The following INPP5A variants were observed in gnomAD, a reference collection of about 807,000 sequenced individuals.
The protein encoded by INPP5A is inositol polyphosphate-5-phosphatase A.
In INPP5A, 14 loss-of-function variants were observed where a neutral mutation model predicts 65.2. The ratio of observed to expected loss-of-function variants is 0.21; its 90% confidence interval spans 0.14 to 0.34. The LOEUF is 0.34. Ranked by LOEUF, INPP5A falls within the 10% of genes least tolerant of loss-of-function variation. The pLI, the probability that INPP5A is intolerant of heterozygous loss-of-function variation, is 1.00. For synonymous variants in INPP5A, 207 were observed against 208.3 expected, an observed-to-expected ratio of 0.99 and a Z score of 0.05; for missense variants, 431 against 545.6, an observed-to-expected ratio of 0.79 and a Z score of 2.09.
rs2072992117 is a variant in INPP5A at position 132,678,097 on chromosome 10, C to T, written c.307-12295C>T. Among the ~76,000 whole-genome samples the T allele has an allele frequency of 6.6e-6, 1 of 152,188 alleles. No homozygotes were observed. The highest frequency in any genetic ancestry group is 1.5e-5 in the Non-Finnish European group (1 of 68,038). On this transcript the variant is annotated intron_variant, in intron 4 of 15. Coordinates refer to ENST00000368594, the MANE Select transcript of INPP5A (RefSeq NM_005539.5). The surrounding 1 kb of genome is among the most constrained non-coding windows in gnomAD (Gnocchi z 4.1). ...CCTTGGTGCCGTCATCCCGTTTGGC[C>T]CCAGGAGCTGAAATTGGAAAGTCAG...
intron 9 of INPP5A, among the ~76,000 whole-genome samples, chr10:132,739,407 C>T (rs936926618): frequency 2.0e-5 from 3 of 152,222 alleles, no homozygotes; most frequent in African/African-American, 4.8e-5. Context: ...GTGGTGGGGG[C>T]GTGCCGACAG....
In INPP5A at chr10:132,659,857, G is replaced by A. The variant is rs1242448961; in HGVS notation, c.306+9352G>A. On this transcript the variant is annotated intron_variant, in intron 4 of 15. Coordinates refer to ENST00000368594, the MANE Select transcript of INPP5A (RefSeq NM_005539.5). The surrounding 1 kb of genome is among the most constrained non-coding windows in gnomAD (Gnocchi z 5.5). The stretch of plus-strand genomic sequence containing the variant: ...ATCACAGAGCCAGATGCCCACAACA[G>A]GATCCAGTGCTGTCAGCTGGGCTCC... 6.6e-6 allele frequency among the ~76,000 whole-genome samples: 1 copy of A among 152,248 alleles called. No homozygotes were observed. The highest frequency in any genetic ancestry group is 1.5e-5 in the Non-Finnish European group (1 of 68,044).
At chr10:132,580,508 C>T (rs974085393) in intron 1 of INPP5A, among the ~76,000 whole-genome samples, 1 of 152,192 alleles carries the variant, frequency 6.6e-6, no homozygotes, top group Admixed American at 6.5e-5. Context: ...CATGAATTAC[C>T]AGTCTCAGGT....
chr10:132,703,505 C>CCA (rs111386654), intron 6 of INPP5A, among the ~76,000 whole-genome samples: 2,380 of 139,586 alleles, frequency 0.017, 56 homozygotes, highest in African/African-American at 0.055. Flanking sequence ...GTGTCTTCAC[C>CCA]CACACACACA....
intron 4 of INPP5A, among the ~76,000 whole-genome samples, chr10:132,655,139 A>G (rs2072637218): frequency 1.3e-5 from 2 of 152,162 alleles, no homozygotes; most frequent in Admixed American, 1.3e-4. Context: ...CCGCATGGAA[A>G]ATGGAAAAGT....
rs540005872 is a variant in INPP5A at position 132,761,123 on chromosome 10, C to A, written c.904-4650C>A. Among the ~76,000 whole-genome samples, 3 of 152,230 alleles carry A rather than the reference C, an allele frequency of 2.0e-5. No individual in the cohort carries two copies. In the South Asian group the frequency reaches 6.2e-4, roughly 32 times the overall value. ...TGCCACGTCTGGTTCGACCTCGACTCCCTGGTGTGCTCTGCAGAGGTCATG... is the reference window on the plus strand; with the variant it reads ...TGCCACGTCTGGTTCGACCTCGACTACCTGGTGTGCTCTGCAGAGGTCATG... On this transcript the variant is annotated intron_variant, in intron 11 of 15. Coordinates refer to ENST00000368594, the MANE Select transcript of INPP5A (RefSeq NM_005539.5).
chr10:132,583,000 G>A (rs1384245983), intron 1 of INPP5A, among the ~76,000 whole-genome samples: 1 of 152,176 alleles, frequency 6.6e-6, no homozygotes, highest in Non-Finnish European at 1.5e-5. Flanking sequence ...GTATTGCTTG[G>A]AATCGTAGAT....
At chr10:132,687,731 A>C (rs577090735) in intron 4 of INPP5A, among the ~76,000 whole-genome samples, 29 of 152,086 alleles carry the variant, frequency 1.9e-4, no homozygotes, top group Non-Finnish European at 3.8e-4. Context: ...ATGAGTGTGC[A>C]TGTGTGTGTG....
At chr10:132,713,692 G>A (rs1300645408) in intron 8 of INPP5A, among the ~76,000 whole-genome samples, 1 of 152,168 alleles carries the variant, frequency 6.6e-6, no homozygotes, top group African/African-American at 2.4e-5. Flanking sequence ...TGCTGTGCTC[G>A]TGGCCACACA....
At position 132,741,209 on chromosome 10, in the gene INPP5A, C is replaced by T. The variant is rs1242972231; in HGVS notation, c.733-8308C>T. Among the ~76,000 whole-genome samples, 1 of 152,196 alleles carries T rather than the reference C, an allele frequency of 6.6e-6. No individual in the cohort carries two copies. Among genetic ancestry groups the T allele is most frequent in the African/African-American group, 2.4e-5 (1 of 41,446 alleles). On this transcript the variant is annotated intron_variant, in intron 9 of 15. Transcript: ENST00000368594. The surrounding 1 kb of genome is among the most constrained non-coding windows in gnomAD (Gnocchi z 4.4). ...CATGATCACATCACTGCACTCCATC[C>T]TGGCCAACAGAGGAGGACCCTGTCT...
chr10:132,655,629 C>T (rs143434168), intron 4 of INPP5A, among the ~76,000 whole-genome samples: 7 of 152,306 alleles, frequency 4.6e-5, no homozygotes, highest in South Asian at 2.1e-4. Context: ...TTTCGTTTAA[C>T]GTCACCCGCA....
rs186372471 is a variant in INPP5A at position 132,604,657 on chromosome 10, C to T, written c.76-3258C>T. Among the ~76,000 whole-genome samples, 132 of 152,342 alleles carry T rather than the reference C, an allele frequency of 8.7e-4. 1 individual carries two copies. Among genetic ancestry groups the T allele is most frequent in the Admixed American group, 2.7e-3 (42 of 15,300 alleles). On this transcript the variant is annotated intron_variant, in intron 1 of 15. Coordinates refer to ENST00000368594, the MANE Select transcript of INPP5A (RefSeq NM_005539.5). ...TCTGTGGGGCTGCATAGTGAAATGT[C>T]CTTTTCCTGGATGGAGGGAAGACAG...
At chr10:132,742,148 G>T (rs138139479) in intron 9 of INPP5A, among the ~76,000 whole-genome samples, 1 of 152,242 alleles carries the variant, frequency 6.6e-6, no homozygotes, top group African/African-American at 2.4e-5. Flanking sequence ...AGATAGGGCC[G>T]AGGAGAGATG....
intron 12 of INPP5A, 98 bp downstream of exon 12, chr10:132,765,944 T>C: frequency 1.3e-6 from 1 of 766,722 alleles, no homozygotes; most frequent in Non-Finnish European, 2.4e-6. Flanking sequence ...TGTGCCAGTT[T>C]GTGCTGGGCA....
intron 2 of INPP5A, among the ~76,000 whole-genome samples, chr10:132,640,304 A>T (rs539297447): frequency 6.6e-6 from 1 of 152,322 alleles, no homozygotes; most frequent in South Asian, 2.1e-4. Flanking sequence ...GTTGTCACAC[A>T]TGTGTGTGTT....
Position 132,650,535 on chromosome 10 carries a change from G to A in INPP5A, c.306+30G>A. The A allele has an allele frequency of 6.6e-7, 1 of 1,524,042 alleles. No homozygotes were observed. The highest frequency in any genetic ancestry group is 9.1e-7 in the Non-Finnish European group (1 of 1,100,016). 94.4% of individuals were successfully genotyped at this position (1,524,042 alleles called of 1,614,324 possible). On this transcript the variant is annotated intron_variant, in intron 4 of 15. Transcript: ENST00000368594. This position sits in a 1 kb window ranked among gnomAD's most constrained non-coding sequence, Gnocchi z 5.5. ...GTCCCTCCCGCTGCCTGGTGCAGGG[G>A]TCAGACAGGCTGGCCTTGGCAGAAG...
At chr10:132,721,466 C>T (rs565673084) in intron 8 of INPP5A, among the ~76,000 whole-genome samples, 1 of 151,328 alleles carries the variant, frequency 6.6e-6, no homozygotes, top group African/African-American at 2.4e-5. Context: ...TGTCTGGGCG[C>T]CTTAGACGGC....
chr10:132,780,354 C>G (rs1023694346), intron 13 of INPP5A, among the ~76,000 whole-genome samples: 5 of 152,158 alleles, frequency 3.3e-5, no homozygotes, highest in African/African-American at 1.2e-4. Context: ...GGTGTCTGTT[C>G]TCGTTTGAAC....
intron 4 of INPP5A, among the ~76,000 whole-genome samples, chr10:132,688,845 TGA>T (rs1845200083): frequency 6.6e-6 from 1 of 151,344 alleles, no homozygotes; most frequent in Non-Finnish European, 1.5e-5. Flanking sequence ...TAAGTGTGCG[TGA>T]GTGCGTGTGT....
Sources: gnomAD v4.1 joint callset for allele counts (sites outside exome capture counted in the v4.1 genomes callset) on GRCh38, gnomAD v4.1.1 for gene constraint, Gnocchi (gnomAD v3.1) non-coding constraint, MANE v1.5 for transcripts, NCBI Gene and HGNC (gene_info 2026-07-23, HGNC 2026-07-21) for gene names.